The following LRRIQ3 variants were observed in gnomAD, a reference collection of about 807,000 sequenced individuals.
LRRIQ3 encodes leucine rich repeats and IQ motif containing 3.
In LRRIQ3, 75 loss-of-function variants were observed where a neutral mutation model predicts 59.3. The observed-to-expected ratio is 1.26, with a 90% CI of 1.05 to 1.53. LRRIQ3 has a LOEUF of 1.53. Among genes scored for constraint, LRRIQ3 ranks in the 40% most tolerant of loss-of-function variants. The pLI, the probability that LRRIQ3 is intolerant of heterozygous loss-of-function variation, is 0.00. For missense variants in LRRIQ3, 831 were observed against 710.0 expected (o/e 1.17, Z -1.94); for synonymous variants, 250 against 231.3 (o/e 1.08, Z -0.73).
intron 4 of LRRIQ3, among the ~76,000 whole-genome samples, chr1:74,129,635 T>C (rs1646983472): frequency 1.3e-5 from 2 of 151,970 alleles, no homozygotes; most frequent in Admixed American, 1.3e-4. Flanking sequence ...CCCTCCATTT[T>C]TCCTCGAGAA....
At chr1:74,092,905 T>C (rs1035304395) in intron 5 of LRRIQ3, among the ~76,000 whole-genome samples, 2 of 151,998 alleles carry the variant, frequency 1.3e-5, no homozygotes, top group Non-Finnish European at 2.9e-5. Flanking sequence ...GAATTTTGTC[T>C]TCCCTCCAAC....
At chr1:74,168,560 A>G (rs1235170874) in intron 3 of LRRIQ3, among the ~76,000 whole-genome samples, 1 of 152,116 alleles carries the variant, frequency 6.6e-6, no homozygotes, top group Admixed American at 6.6e-5. Flanking sequence ...TATAACTGGC[A>G]TATTTAGACC....
At chr1:74,032,896 G>A (rs1344211238) in intron 7 of LRRIQ3, among the ~76,000 whole-genome samples, 1 of 151,822 alleles carries the variant, frequency 6.6e-6, no homozygotes, top group Non-Finnish European at 1.5e-5. Flanking sequence ...ACAGAAAAAT[G>A]GAAACCTAAT....
chr1:74,096,997 G>A (rs1646458412), intron 5 of LRRIQ3, among the ~76,000 whole-genome samples: 1 of 152,088 alleles, frequency 6.6e-6, no homozygotes, highest in African/African-American at 2.4e-5. Context: ...CGGGGGTCAG[G>A]GATCCACTTG....
chr1:74,180,946 A>ATG, intron 3 of LRRIQ3: 1 of 688,564 alleles, frequency 1.5e-6, no homozygotes. Flanking sequence ...CTGACATTTT[A>ATG]TGGTTGTTTA....
intron 5 of LRRIQ3, among the ~76,000 whole-genome samples, chr1:74,102,689 C>T (rs1328668131): frequency 6.6e-6 from 1 of 151,964 alleles, no homozygotes; most frequent in Non-Finnish European, 1.5e-5. Context: ...TTCTCTTACT[C>T]TTTCCCTTTC....
In LRRIQ3 at chr1:74,076,146, C is replaced by T. The variant is rs144480754; in HGVS notation, c.868-1356G>A. Among the ~76,000 whole-genome samples, 576 of 152,056 alleles carry T rather than the reference C, an allele frequency of 3.8e-3. 5 individuals carry two copies. Among genetic ancestry groups the T allele is most frequent in the African/African-American group, 0.013 (547 of 41,520 alleles). On this transcript the variant is annotated intron_variant, in intron 5 of 7. Coordinates refer to ENST00000354431, the MANE Select transcript of LRRIQ3 (RefSeq NM_001105659.2). ...GTCCATCAGAGAAAAAGTTCAGAAG[C>T]TTAGATGAGGGTATGTGTTTACATA...
chr1:74,122,115 C>G (rs11210420), intron 4 of LRRIQ3, among the ~76,000 whole-genome samples: 61 of 152,038 alleles, frequency 4.0e-4, no homozygotes, highest in African/African-American at 8.7e-4. Context: ...GGGATGGCTG[C>G]GTCAAATGGT....
intron 1 of LRRIQ3, among the ~76,000 whole-genome samples, chr1:74,186,948 C>CA (rs879825997): frequency 0.015 from 2,146 of 146,066 alleles, 19 homozygotes; most frequent in Non-Finnish European, 0.021. Flanking sequence ...CTATTATAAG[C>CA]AAGAAAAAAA....
chr1:74,060,249 T>A (rs796353837), intron 6 of LRRIQ3, among the ~76,000 whole-genome samples: 1 of 127,182 alleles, frequency 7.9e-6, no homozygotes, highest in Non-Finnish European at 1.7e-5. Flanking sequence ...CTTCTTCTTC[T>A]TCTTCTTCCT....
At position 74,041,353 on chromosome 1, in the gene LRRIQ3, A is replaced by G; in HGVS notation, c.1578T>C (p.Thr526=). 1 of 1,613,858 alleles carries G rather than the reference A, an allele frequency of 6.2e-7. No individual in the cohort carries two copies. Among genetic ancestry groups the G allele is most frequent in the Non-Finnish European group, 8.5e-7 (1 of 1,179,882 alleles). The part of the protein sequence containing the change: ...LLVQNLNNER[T]LLTRGLLKID... ...TTTTAAGTAGTCCTCTGGTCAAAAG[A>G]GTGCGCTCATTATTTAAGTTTTGAA... Residue 526 remains threonine (T), a synonymous_variant, in exon 7 of 8, where the codon ACT becomes ACC. Coordinates refer to ENST00000354431, the MANE Select transcript of LRRIQ3 (RefSeq NM_001105659.2).
intron 3 of LRRIQ3, among the ~76,000 whole-genome samples, chr1:74,178,297 A>G (rs978337258): frequency 6.6e-6 from 1 of 151,812 alleles, no homozygotes; most frequent in Non-Finnish European, 1.5e-5. Flanking sequence ...TAAACATGTA[A>G]TTTTCATAAG....
chr1:74,124,155 T>C (rs1174477505), intron 4 of LRRIQ3, among the ~76,000 whole-genome samples: 1 of 151,970 alleles, frequency 6.6e-6, no homozygotes, highest in Non-Finnish European at 1.5e-5. Flanking sequence ...TTTCCATGTA[T>C]ATGTCTTCTT....
At chr1:74,063,045 A>G (rs1654767486) in intron 6 of LRRIQ3, among the ~76,000 whole-genome samples, 1 of 148,666 alleles carries the variant, frequency 6.7e-6, no homozygotes, top group African/African-American at 2.5e-5. Flanking sequence ...TAGTCCTAAA[A>G]TAACAACCAC....
chr1:74,164,107 G>A (rs757897266), intron 3 of LRRIQ3, among the ~76,000 whole-genome samples: 19 of 151,090 alleles, frequency 1.3e-4, no homozygotes, highest in East Asian at 1.9e-4. Flanking sequence ...TGTTTTTGAC[G>A]TGTGTGTGTA....
At chr1:74,060,233 C>G (rs1169762961) in intron 6 of LRRIQ3, among the ~76,000 whole-genome samples, 20 of 146,316 alleles carry the variant, frequency 1.4e-4, no homozygotes, top group Admixed American at 2.8e-4. Flanking sequence ...TCTTCTTCTT[C>G]TTCTTCTTCT....
chr1:74,075,013 GTGAGAGAGAT>G (rs1196671275), intron 5 of LRRIQ3, among the ~76,000 whole-genome samples: 1 of 152,132 alleles, frequency 6.6e-6, no homozygotes. Flanking sequence ...GGCCAATGCT[GTGAGAGAGAT>G]TGAGGGAAAG....
chr1:74,061,332 A>C (rs1654715969), intron 6 of LRRIQ3, among the ~76,000 whole-genome samples: 1 of 152,188 alleles, frequency 6.6e-6, no homozygotes, highest in Non-Finnish European at 1.5e-5. Context: ...AGGAAGAATC[A>C]ATACTGTTAA....
In LRRIQ3 at chr1:74,182,698, T is replaced by G. The variant is rs1208185542; in HGVS notation, c.413A>C (p.Lys138Thr). The change falls in exon 3 of 8, where the codon AAA (lysine) becomes ACA (threonine). Residue 138 changes from lysine to threonine, a missense_variant. Physicochemically the swap from Lys to Thr is moderately conservative, Grantham distance 78. Transcript: ENST00000354431. Reference protein sequence around the residue: ...TMFDCPVSLKKGYRHVLVNSI... With the variant: ...TMFDCPVSLKTGYRHVLVNSI... ...GTTAACAAGAACATGTCTATATCCT[T>G]TTTTAAGGCTTACTGGACAATCAAA... 1 of 1,612,634 alleles carries G rather than the reference T, an allele frequency of 6.2e-7. No individual in the cohort carries two copies. The highest frequency in any genetic ancestry group is 8.5e-7 in the Non-Finnish European group (1 of 1,178,976).
Sources: allele counts gnomAD v4.1 joint callset (sites outside exome capture counted in the v4.1 genomes callset), GRCh38; gene constraint gnomAD v4.1.1; transcripts MANE v1.5; gene names NCBI Gene and HGNC (gene_info 2026-07-23, HGNC 2026-07-21).